Variants in LAMA3 observed in about 807,000 individuals in gnomAD.
LAMA3 encodes the protein laminin subunit alpha 3, also known as laminin subunit alpha-3.
A neutral mutation model predicts 402.0 loss-of-function variants in LAMA3; 281 were observed. The ratio of observed to expected loss-of-function variants is 0.70; its 90% CI spans 0.63 to 0.77. The LOEUF (loss-of-function observed/expected upper bound fraction) is 0.77. Among genes scored for constraint, LAMA3 ranks in the 30% least tolerant of loss-of-function variants. The pLI, the probability that LAMA3 is intolerant of heterozygous loss-of-function variation, is 0.00. For synonymous variants in LAMA3, 1,431 were observed against 1,558.4 expected (o/e 0.92, Z 1.93); for missense variants, 3,840 against 4,215.5 (o/e 0.91, Z 2.47).
Position 23,842,683 on chromosome 18 carries a change from AG to A in LAMA3, c.3537del (p.Glu1179AspfsTer13), listed in dbSNP as rs2063730652. 6.2e-7 allele frequency: 1 copy of A among 1,613,964 alleles called. No individual in the cohort carries two copies. Among genetic ancestry groups the A allele is most frequent in the Admixed American group, 1.7e-5 (1 of 60,010 alleles). On this transcript the variant is annotated frameshift_variant, in exon 29 of 75. Coordinates refer to ENST00000313654, the MANE Select transcript of LAMA3 (RefSeq NM_198129.4). LOFTEE classifies it high-confidence loss of function. ...RDQVIAEGQI[E>X]FDISEPEVAA... Reference sequence around the variant, plus strand: ...CAAGTGATTGCCGAAGGCCAGATTGAGTTTGACATCTCAGAGCCTGAAGTGG... The same window carrying A: ...CAAGTGATTGCCGAAGGCCAGATTGATTTGACATCTCAGAGCCTGAAGTGG...
chr18:23,835,885 A>G (rs2063571725), intron 24 of LAMA3, among the ~76,000 whole-genome samples: 1 of 152,214 alleles, frequency 6.6e-6, no homozygotes, highest in South Asian at 2.1e-4. Flanking sequence ...GCAGAATAGC[A>G]GTGGTGCTAA....
intron 8 of LAMA3, among the ~76,000 whole-genome samples, chr18:23,763,905 A>T (rs1431008845): frequency 6.6e-6 from 1 of 152,176 alleles, no homozygotes; most frequent in Non-Finnish European, 1.5e-5. Context: ...CTGAGTCTAG[A>T]CTCAGTGAGG....
intron 50 of LAMA3, 93 bp from the exon 51 acceptor site, chr18:23,904,460 A>C (rs1465813708): frequency 7.4e-7 from 1 of 1,346,750 alleles, no homozygotes; most frequent in African/African-American, 1.5e-5. Context: ...AAAAGAAAGA[A>C]AAAATAAAAA....
chr18:23,853,797 C>T (rs1222914382), intron 32 of LAMA3, among the ~76,000 whole-genome samples: 3 of 152,138 alleles, frequency 2.0e-5, no homozygotes, highest in African/African-American at 4.8e-5. Flanking sequence ...ACCATAAATT[C>T]GCTGTAGAGA....
At position 23,858,685 on chromosome 18, in the gene LAMA3, A is replaced by G. The variant is rs1172093385; in HGVS notation, c.4282-4A>G. On this transcript the variant is annotated splice_region_variant and splice_polypyrimidine_tract_variant and intron_variant, in intron 33 of 74. Transcript: ENST00000313654. Reference sequence around the variant, plus strand: ...ATCTCTTATTTCATGTTTTGCTTCAATAGGAAAATGTAGAAGGCACAGAGT... The same window carrying G: ...ATCTCTTATTTCATGTTTTGCTTCAGTAGGAAAATGTAGAAGGCACAGAGT... 25 of 1,614,186 alleles carry G rather than the reference A, an allele frequency of 1.5e-5. No individual in the cohort carries two copies. Among genetic ancestry groups the G allele is most frequent in the Middle Eastern group, 1.6e-4 (1 of 6,062 alleles).
At position 23,838,905 on chromosome 18, in the gene LAMA3, G is replaced by C. The variant is rs745765183; in HGVS notation, c.3191+27G>C. 22 of 1,347,590 alleles carry C rather than the reference G, an allele frequency of 1.6e-5. No homozygotes were observed. The South Asian group carries it at 2.2e-4, about 14-fold the overall frequency. The allele number at this position is 1,347,590 out of a possible 1,614,324, so 83.5% of individuals were successfully genotyped here. A position where few individuals can be genotyped will look rare whatever the true frequency, so the allele number is the denominator to read the frequency against. Reference sequence around the variant, plus strand: ...TAATGTGTTTCCTTCCTGTCTCCCCGTTCATGTTCTGAGTGATACTGGGAT... The same window carrying C: ...TAATGTGTTTCCTTCCTGTCTCCCCCTTCATGTTCTGAGTGATACTGGGAT... On this transcript the variant is annotated intron_variant, in intron 26 of 74. Coordinates refer to ENST00000313654, the MANE Select transcript of LAMA3 (RefSeq NM_198129.4).
intron 12 of LAMA3, among the ~76,000 whole-genome samples, chr18:23,806,756 T>G (rs1265966738): frequency 6.6e-6 from 1 of 152,184 alleles, no homozygotes; most frequent in African/African-American, 2.4e-5. Context: ...AGGATGAAGA[T>G]TCTTGGTTTG....
chr18:23,868,808 C>T (rs1425593434), intron 37 of LAMA3, among the ~76,000 whole-genome samples: 1 of 152,182 alleles, frequency 6.6e-6, no homozygotes, highest in East Asian at 1.9e-4. Context: ...GAAAGCTCAT[C>T]AGATCATAAA....
In LAMA3 at chr18:23,857,955, G is replaced by A. The variant is rs1022543694; in HGVS notation, c.4248G>A (p.Val1416=). 3 of 1,614,076 alleles carry A rather than the reference G, an allele frequency of 1.9e-6. No individual in the cohort carries two copies. The highest frequency in any genetic ancestry group is 3.3e-4 in the Middle Eastern group (2 of 6,084). Residue 1416 remains valine (V), a synonymous_variant, in exon 33 of 75, where the codon GTG becomes GTA. Coordinates refer to ENST00000313654, the MANE Select transcript of LAMA3 (RefSeq NM_198129.4). ...ACAGAGATGGGACTGAGCCAGGAGT[G>A]TGTGACCCAGGGACCGGGGCTTGCC... ...NCNRDGTEPG[V]CDPGTGACLC...
chr18:23,872,951 T>A (rs926541458), intron 38 of LAMA3: 6 of 1,531,072 alleles, frequency 3.9e-6, no homozygotes, highest in Admixed American at 1.7e-5. Flanking sequence ...CTTCCTCACC[T>A]GAGTCAGGCA....
In LAMA3 at chr18:23,839,880, C is replaced by T. The variant is rs373979361; in HGVS notation, c.3287C>T (p.Ser1096Leu). Residue 1096 changes from serine (S) to leucine (L), a missense_variant, in exon 27 of 75, where the codon TCG (serine) becomes TTG (leucine). By Grantham distance (145) the Ser-to-Leu change is moderately radical (BLOSUM62 -2). Coordinates refer to ENST00000313654, the MANE Select transcript of LAMA3 (RefSeq NM_198129.4). This position sits in a 1 kb window ranked among gnomAD's most constrained non-coding sequence, Gnocchi z 4.5. ...CCTTTCCCTCACCTGCCCCAGCAGT[C>T]GTCACCTTCTGTTGATGTTCTTCCT... Reference protein sequence around the residue: ...GRPFPHLPQQSSPSVDVLPGV... With the variant: ...GRPFPHLPQQLSPSVDVLPGV... 19 of 1,614,084 alleles carry T rather than the reference C, an allele frequency of 1.2e-5. No homozygotes were observed. The South Asian group carries it at 1.5e-4, about 13-fold the overall frequency.
intron 67 of LAMA3, among the ~76,000 whole-genome samples, chr18:23,934,647 C>G (rs1040223367): frequency 3.9e-4 from 60 of 152,344 alleles, no homozygotes; most frequent in African/African-American, 1.4e-3. Flanking sequence ...CAGTGGGCAC[C>G]TCGGATCTGC....
At chr18:23,842,047 A>C (rs1018083058) in intron 27 of LAMA3, among the ~76,000 whole-genome samples, 2 of 152,194 alleles carry the variant, frequency 1.3e-5, no homozygotes, top group African/African-American at 4.8e-5. Context: ...CAGAAGGCCA[A>C]TTCTGGGTTA....
chr18:23,896,704 G>T (rs767875226), intron 44 of LAMA3, among the ~76,000 whole-genome samples: 9 of 152,318 alleles, frequency 5.9e-5, no homozygotes, highest in Non-Finnish European at 1.3e-4. Context: ...CCACATGAGA[G>T]CCTAGCAAAG....
intron 12 of LAMA3, among the ~76,000 whole-genome samples, chr18:23,805,863 G>A (rs1250416285): frequency 1.3e-5 from 2 of 152,194 alleles, no homozygotes; most frequent in Admixed American, 1.3e-4. Flanking sequence ...CGGTGGAGTG[G>A]AGTTCTTCCA....
intron 72 of LAMA3, among the ~76,000 whole-genome samples, chr18:23,950,960 C>G (rs2082887626): frequency 6.6e-6 from 1 of 152,168 alleles, no homozygotes; most frequent in Non-Finnish European, 1.5e-5. Context: ...GAAAACAAAT[C>G]AAGACCCGAT....
chr18:23,823,509 G>T (rs1217728022), intron 20 of LAMA3, among the ~76,000 whole-genome samples: 1 of 152,158 alleles, frequency 6.6e-6, no homozygotes, highest in Non-Finnish European at 1.5e-5. Context: ...CATGGTAACT[G>T]GTGCCTCCTC....
chr18:23,840,827 A>T (rs1194774942), intron 27 of LAMA3, among the ~76,000 whole-genome samples: 1 of 152,200 alleles, frequency 6.6e-6, no homozygotes, highest in Non-Finnish European at 1.5e-5. Flanking sequence ...AATGCTTGTG[A>T]TCAGAAATGT....
chr18:23,843,210 C>A (rs1222425203), intron 29 of LAMA3, among the ~76,000 whole-genome samples: 4 of 152,168 alleles, frequency 2.6e-5, no homozygotes, highest in African/African-American at 9.7e-5. Context: ...CGATTCTATT[C>A]TCTCCACTGT....
Sources: allele counts gnomAD v4.1 joint callset (sites outside exome capture counted in the v4.1 genomes callset), GRCh38; gene constraint gnomAD v4.1.1; non-coding constraint Gnocchi (gnomAD v3.1); transcripts MANE v1.5; gene names NCBI Gene and HGNC (gene_info 2026-07-23, HGNC 2026-07-21).